Variants in FBXL20 observed in about 807,000 individuals in gnomAD.
The protein encoded by FBXL20 is F-box and leucine rich repeat protein 20, also known as F-box/LRR-repeat protein 20.
Under a neutral mutation model 64.0 loss-of-function variants are expected in FBXL20, and 11 were observed. That is an observed-to-expected ratio of 0.17 (90% confidence interval 0.11 to 0.28). The LOEUF (loss-of-function observed/expected upper bound fraction) is 0.28, where lower values mean the gene tolerates loss of function less well. Among genes scored for constraint, FBXL20 ranks in the 10% least tolerant of loss-of-function variants. The probability of loss-of-function intolerance (pLI) is 1.00; values close to 1 mark genes in which losing one functional copy is unlikely to be tolerated. For missense variants in FBXL20, 303 were observed against 526.2 expected (o/e 0.58, Z 4.15); for synonymous variants, 184 against 189.0 (o/e 0.97, Z 0.22).
rs557529155 is a variant in FBXL20 at position 39,258,359 on chromosome 17, A to G, written c.*3101T>C. The G allele has an allele frequency of 4.6e-5, 7 of 152,350 alleles. No homozygotes were observed. The highest frequency in any genetic ancestry group is 4.6e-4 in the Admixed American group (7 of 15,306). 9.4% of individuals were successfully genotyped at this position (152,350 alleles called of 1,614,324 possible). ...ATATTCATCAGCTGGTGTAGGCTGCAAATCAGCATAAAAAAATGTATTTCC... is the reference window on the plus strand; with the variant it reads ...ATATTCATCAGCTGGTGTAGGCTGCGAATCAGCATAAAAAAATGTATTTCC... On this transcript the variant is annotated 3_prime_UTR_variant, in exon 15 of 15. Coordinates refer to ENST00000264658, the MANE Select transcript of FBXL20 (RefSeq NM_032875.3).
chr17:39,358,444 A>G (rs949279803), intron 1 of FBXL20, among the ~76,000 whole-genome samples: 3 of 152,178 alleles, frequency 2.0e-5, no homozygotes, highest in Non-Finnish European at 2.9e-5. Flanking sequence ...GCGCTTTGGG[A>G]GGCTGAGGTG....
rs928500610 is a variant in FBXL20, at chr17:39,401,617, G to C, written c.-215C>G. 3 of 1,399,890 alleles carry C rather than the reference G, an allele frequency of 2.1e-6. No individual in the cohort carries two copies. The highest frequency in any genetic ancestry group is 3.2e-5 in the Admixed American group (1 of 30,898). 86.7% of individuals were successfully genotyped at this position (1,399,890 alleles called of 1,614,324 possible). On this transcript the variant is annotated 5_prime_UTR_variant, in exon 1 of 15. Coordinates refer to ENST00000264658, the MANE Select transcript of FBXL20 (RefSeq NM_032875.3). ...CGCAACGACTGCTCGTCGCTAGCTCGGCTCTCTCCTCAGCCTCAACTTCAA... is the reference window on the plus strand; with the variant it reads ...CGCAACGACTGCTCGTCGCTAGCTCCGCTCTCTCCTCAGCCTCAACTTCAA...
chr17:39,333,076 T>C (rs1472117034), intron 2 of FBXL20, among the ~76,000 whole-genome samples: 1 of 152,046 alleles, frequency 6.6e-6, no homozygotes, highest in Non-Finnish European at 1.5e-5. Context: ...TAGCTCAGAT[T>C]ATAGGCCTGA....
intron 9 of FBXL20, among the ~76,000 whole-genome samples, chr17:39,280,726 T>C (rs1012737281): frequency 6.6e-6 from 1 of 152,098 alleles, no homozygotes; most frequent in Admixed American, 6.6e-5. Context: ...TAAATATAGA[T>C]GCTACTTGAA....
chr17:39,330,948 C>T (rs2047454509), intron 2 of FBXL20, among the ~76,000 whole-genome samples: 1 of 152,116 alleles, frequency 6.6e-6, no homozygotes, highest in Admixed American at 6.6e-5. Flanking sequence ...AAAATAAAAT[C>T]CTAAATTACA....
intron 2 of FBXL20, among the ~76,000 whole-genome samples, chr17:39,316,156 G>C (rs1037779645): frequency 6.6e-6 from 1 of 152,136 alleles, no homozygotes; most frequent in Non-Finnish European, 1.5e-5. Flanking sequence ...TCTGGAAAGG[G>C]AGAAAACTAG....
intron 1 of FBXL20, among the ~76,000 whole-genome samples, chr17:39,356,337 A>G (rs1204454868): frequency 6.6e-6 from 1 of 151,998 alleles, no homozygotes. Flanking sequence ...GTCTGCATGC[A>G]GATATACAAT....
At chr17:39,392,505 A>C (rs1216418130) in intron 1 of FBXL20, among the ~76,000 whole-genome samples, 2 of 152,070 alleles carry the variant, frequency 1.3e-5, no homozygotes, top group Non-Finnish European at 2.9e-5. Context: ...AGTGCAATTC[A>C]GTATACAGTG....
intron 1 of FBXL20, among the ~76,000 whole-genome samples, chr17:39,355,587 G>A (rs1018749005): frequency 6.6e-6 from 1 of 151,240 alleles, no homozygotes; most frequent in Non-Finnish European, 1.5e-5. Context: ...CGGGCGCGGT[G>A]GCTCACGCCT....
At chr17:39,336,481 CTA>C (rs960312347) in intron 2 of FBXL20, among the ~76,000 whole-genome samples, 6 of 152,156 alleles carry the variant, frequency 3.9e-5, no homozygotes, top group Non-Finnish European at 8.8e-5. Flanking sequence ...ACTACACTAA[CTA>C]TAAATAGAAC....
chr17:39,344,723 G>GAGCT (rs2047616409), intron 1 of FBXL20, among the ~76,000 whole-genome samples: 1 of 152,174 alleles, frequency 6.6e-6, no homozygotes, highest in Non-Finnish European at 1.5e-5. Context: ...CCAGGCTGCA[G>GAGCT]AGCTTGCAGT....
intron 1 of FBXL20, among the ~76,000 whole-genome samples, chr17:39,354,338 A>G (rs2047715895): frequency 6.6e-6 from 1 of 152,192 alleles, no homozygotes; most frequent in Non-Finnish European, 1.5e-5. Context: ...TGTGCAATGA[A>G]ATCTGCCTAC....
Position 39,285,556 on chromosome 17 carries a change from C to G in FBXL20, c.416G>C (p.Ser139Thr). Reference sequence around the variant, plus strand: ...GTGCCTGAGTTTGGAACAGAACTTGCTAAGGCTAGTACATGTACTGAAAAA... The same window carrying G: ...GTGCCTGAGTTTGGAACAGAACTTGGTAAGGCTAGTACATGTACTGAAAAA... ...KTTDATCTSLSKFCSKLRHLD... is the reference protein window; with the variant it reads ...KTTDATCTSLTKFCSKLRHLD... The change falls in exon 7 of 15, where the codon AGC becomes ACC. Residue 139 changes from serine (S) to threonine (T), a missense_variant. Ser to Thr is a moderately conservative substitution (Grantham distance 58). Around this residue, in one of 3 missense-constraint regions of FBXL20, gnomAD observed 246 missense variants for 422.6 expected, o/e 0.58. Coordinates refer to ENST00000264658, the MANE Select transcript of FBXL20 (RefSeq NM_032875.3). 1 of 1,602,930 alleles carries G rather than the reference C, an allele frequency of 6.2e-7. No homozygotes were observed. The highest frequency in any genetic ancestry group is 2.2e-5 in the East Asian group (1 of 44,542).
intron 1 of FBXL20, among the ~76,000 whole-genome samples, chr17:39,389,015 A>G (rs1294744309): frequency 6.8e-6 from 1 of 148,022 alleles, no homozygotes; most frequent in Non-Finnish European, 1.5e-5. Context: ...GAGGCAGGAG[A>G]ATCGCTTGAA....
At chr17:39,284,366 T>C (rs2046971638) in intron 7 of FBXL20, among the ~76,000 whole-genome samples, 1 of 152,220 alleles carries the variant, frequency 6.6e-6, no homozygotes, top group African/African-American at 2.4e-5. Flanking sequence ...AGATTATTTA[T>C]ACTCTACTTA....
In FBXL20 at chr17:39,356,291, T is replaced by C. The variant is rs141461618; in HGVS notation, c.43-13050A>G. Among the ~76,000 whole-genome samples, 430 of 152,018 alleles carry C rather than the reference T, an allele frequency of 2.8e-3. 2 individuals are homozygous for C. In the Middle Eastern group the frequency reaches 0.065, roughly 23 times the overall value. On this transcript the variant is annotated intron_variant, in intron 1 of 14. Transcript: ENST00000264658. The stretch of plus-strand genomic sequence containing the variant: ...TCTAAGATCCATTTTGAGTTAATTA[T>C]CATATGTGGTATGAGGTGAGAGCAC...
chr17:39,263,946 A>T (rs1473827018), intron 14 of FBXL20: 5 of 482,470 alleles, frequency 1.0e-5, no homozygotes, highest in African/African-American at 8.0e-5. Context: ...CTCTGCTGGG[A>T]GGAGACCTAC....
chr17:39,319,255 A>T (rs1425654887), intron 2 of FBXL20, among the ~76,000 whole-genome samples: 2 of 152,144 alleles, frequency 1.3e-5, no homozygotes, highest in African/African-American at 2.4e-5. Context: ...CTCAAAAAAA[A>T]AAGAGAGAGA....
chr17:39,282,206 C>T (rs1348109101), intron 8 of FBXL20, among the ~76,000 whole-genome samples: 1 of 152,120 alleles, frequency 6.6e-6, no homozygotes, highest in Non-Finnish European at 1.5e-5. Flanking sequence ...CTAATCAATT[C>T]TTTTTTTCAC....
Sources: allele counts gnomAD v4.1 joint callset (sites outside exome capture counted in the v4.1 genomes callset), GRCh38; gene constraint gnomAD v4.1.1; regional missense constraint gnomAD v4.1.1; transcripts MANE v1.5; gene names NCBI Gene and HGNC (gene_info 2026-07-23, HGNC 2026-07-21).